FRMD4A: variants seen among roughly 807,000 people sequenced by gnomAD.
FRMD4A encodes FERM domain containing 4A, also known as FERM domain-containing protein 4A.
FRMD4A carries 29 observed loss-of-function variants against 129.1 expected under a neutral mutation model. The ratio of observed to expected loss-of-function variants is 0.22; its 90% CI spans 0.17 to 0.31. The LOEUF (loss-of-function observed/expected upper bound fraction) is 0.31. Ranked by LOEUF, FRMD4A falls within the 10% of genes least tolerant of loss-of-function variation. The pLI, the probability that FRMD4A is intolerant of heterozygous loss-of-function variation, is 1.00. For missense variants in FRMD4A, 1,272 were observed against 1,375.8 expected, an observed-to-expected ratio of 0.92 and a Z score of 1.19; for synonymous variants, 634 against 571.6, an observed-to-expected ratio of 1.11 and a Z score of -1.56.
rs536499669 is a variant in FRMD4A, at chr10:13,909,433, C to T, written c.46-50521G>A. On this transcript the variant is annotated intron_variant, in intron 2 of 24. Coordinates refer to ENST00000357447, the MANE Select transcript of FRMD4A (RefSeq NM_018027.5). ...AAAAGTTCCCATTTCTTAACACCCA[C>T]AGTACCTTTCTGTCTTTACCTTTGC... Among the ~76,000 whole-genome samples, 15 of 152,324 alleles carry T rather than the reference C, an allele frequency of 9.8e-5. No homozygotes were observed. The East Asian group carries it at 2.9e-3, about 29-fold the overall frequency.
Position 13,701,457 on chromosome 10 carries a change from C to G in FRMD4A, c.858G>C (p.Thr286=). ...DPRRASVTRR[T]FGHSGIAVHT... ...GCACTGCAATGCCGCTGTGCCCAAA[C>G]GTCCTCCTTGTCACTGAAGCCCTGG... The change falls in exon 14 of 25, where the codon ACG becomes ACC. Residue 286 remains threonine, a synonymous_variant. Transcript: ENST00000357447. The G allele has an allele frequency of 6.2e-7, 1 of 1,613,780 alleles. No homozygotes were observed. The highest frequency in any genetic ancestry group is 8.5e-7 in the Non-Finnish European group (1 of 1,179,784).
intron 17 of FRMD4A, 67 bp from the exon 18 acceptor site, chr10:13,666,392 T>C: frequency 9.1e-7 from 1 of 1,104,866 alleles, no homozygotes; most frequent in Non-Finnish European, 1.4e-6. Flanking sequence ...CATCCTTCCC[T>C]CCCCTGTCCC....
intron 2 of FRMD4A, among the ~76,000 whole-genome samples, chr10:13,933,065 G>A (rs2095215554): frequency 6.6e-6 from 1 of 152,076 alleles, no homozygotes; most frequent in Non-Finnish European, 1.5e-5. Context: ...GGAGACTGAG[G>A]CAGGAGAATT....
At chr10:13,761,835 C>A (rs1318893421) in intron 7 of FRMD4A, among the ~76,000 whole-genome samples, 166 bp from the exon 8 acceptor site, 1 of 152,190 alleles carries the variant, frequency 6.6e-6, no homozygotes, top group African/African-American at 2.4e-5. Flanking sequence ...TGAATGCACA[C>A]CTTTGCCATT....
intron 2 of FRMD4A, among the ~76,000 whole-genome samples, chr10:14,017,038 T>C (rs1178364942): frequency 6.6e-6 from 1 of 152,160 alleles, no homozygotes; most frequent in Non-Finnish European, 1.5e-5. Context: ...ATATGATTTG[T>C]CCCCAAAAGA....
intron 2 of FRMD4A, among the ~76,000 whole-genome samples, chr10:14,292,689 A>C (rs1845885978): frequency 6.6e-6 from 1 of 152,106 alleles, no homozygotes; most frequent in Admixed American, 6.6e-5. Flanking sequence ...AGTCCCAGCT[A>C]CTCAGGAGGC....
chr10:14,198,770 G>C (rs1036447177), intron 2 of FRMD4A, among the ~76,000 whole-genome samples: 6 of 152,168 alleles, frequency 3.9e-5, no homozygotes, highest in Admixed American at 1.3e-4. Flanking sequence ...CAAAACTCCA[G>C]CTCTCCATCT....
intron 2 of FRMD4A, among the ~76,000 whole-genome samples, chr10:14,328,604 A>T (rs1843380124): frequency 6.7e-6 from 1 of 148,310 alleles, no homozygotes; most frequent in Non-Finnish European, 1.5e-5. Flanking sequence ...TTAGTGTACT[A>T]GATAATATAA....
chr10:13,789,756 C>T (rs1326283106), intron 5 of FRMD4A, among the ~76,000 whole-genome samples: 1 of 125,526 alleles, frequency 8.0e-6, no homozygotes, highest in Non-Finnish European at 1.6e-5. Context: ...TTGACCGCTG[C>T]TGGCTGCTTA....
chr10:14,102,510 GC>G (rs1837361649), intron 2 of FRMD4A, among the ~76,000 whole-genome samples: 2 of 152,264 alleles, frequency 1.3e-5, no homozygotes, highest in South Asian at 4.2e-4. Flanking sequence ...GCTCTTCATT[GC>G]ACAGGTATGT....
chr10:14,115,631 G>T (rs1838159820), intron 2 of FRMD4A, among the ~76,000 whole-genome samples: 1 of 152,114 alleles, frequency 6.6e-6, no homozygotes, highest in Non-Finnish European at 1.5e-5. Flanking sequence ...TGCTGTCCTT[G>T]GGGTAATGAG....
At chr10:14,325,378 TA>T (rs1843231998) in intron 2 of FRMD4A, among the ~76,000 whole-genome samples, 1 of 152,222 alleles carries the variant, frequency 6.6e-6, no homozygotes, top group Non-Finnish European at 1.5e-5. Context: ...CTTTGTCACC[TA>T]CAGGAAATCT....
At chr10:14,190,640 T>A (rs1842287666) in intron 2 of FRMD4A, among the ~76,000 whole-genome samples, 1 of 152,098 alleles carries the variant, frequency 6.6e-6, no homozygotes, top group Non-Finnish European at 1.5e-5. Flanking sequence ...TCCACCTTGG[T>A]CCCCCAAAGT....
chr10:13,724,609 A>T (rs1355676232), intron 12 of FRMD4A, among the ~76,000 whole-genome samples: 1 of 152,182 alleles, frequency 6.6e-6, no homozygotes, highest in Non-Finnish European at 1.5e-5. Flanking sequence ...AATTGCATCC[A>T]AGGTCAACGG....
At chr10:13,917,279 CA>C (rs2095020166) in intron 2 of FRMD4A, among the ~76,000 whole-genome samples, 1 of 125,224 alleles carries the variant, frequency 8.0e-6, no homozygotes. Context: ...TAATATCCAT[CA>C]CAGATTTTTT....
At chr10:13,691,806 G>C (rs1379428349) in intron 15 of FRMD4A, among the ~76,000 whole-genome samples, 1 of 152,140 alleles carries the variant, frequency 6.6e-6, no homozygotes, top group Non-Finnish European at 1.5e-5. Context: ...CACAGGGTTA[G>C]GAAAAAACGC....
chr10:13,670,486 C>T lies in FRMD4A; in HGVS notation c.1294G>A (p.Gly432Arg). 2.5e-6 allele frequency: 4 copies of T among 1,613,460 alleles called. No homozygotes were observed. Among genetic ancestry groups the T allele is most frequent in the Non-Finnish European group, 3.4e-6 (4 of 1,179,584 alleles). ...KLPVEYPLDP[G>R]EEPPIVRRRI... ...CTCCGAACAATGGGTGGTTCCTCCC[C>T]TGGATCCAGGGGATATTCTACTGGC... Residue 432 changes from glycine to arginine, a missense_variant, in exon 17 of 25, where the codon GGG becomes AGG. Coordinates refer to ENST00000357447, the MANE Select transcript of FRMD4A (RefSeq NM_018027.5).
At chr10:13,998,069 C>G (rs553027751) in intron 2 of FRMD4A, among the ~76,000 whole-genome samples, 4 of 152,352 alleles carry the variant, frequency 2.6e-5, no homozygotes, top group Admixed American at 2.6e-4. Flanking sequence ...CTGCTCTCTG[C>G]TCATCTCCAG....
At chr10:13,945,316 C>T (rs1271178600) in intron 2 of FRMD4A, among the ~76,000 whole-genome samples, 1 of 152,102 alleles carries the variant, frequency 6.6e-6, no homozygotes, top group Non-Finnish European at 1.5e-5. Flanking sequence ...AACCTGGGTC[C>T]AGCTGCTTGG....
Sources: allele counts gnomAD v4.1 joint callset (sites outside exome capture counted in the v4.1 genomes callset), GRCh38; gene constraint gnomAD v4.1.1; transcripts MANE v1.5; gene names NCBI Gene and HGNC (gene_info 2026-07-23, HGNC 2026-07-21).